Variants in DHX33 observed in about 807,000 individuals in gnomAD.
The protein encoded by DHX33 is DEAH-box helicase 33.
Under a neutral mutation model 72.5 loss-of-function variants are expected in DHX33, and 42 were observed. That is an observed-to-expected ratio of 0.58 (90% CI 0.45 to 0.75). DHX33 has a LOEUF of 0.75. DHX33 is among the 30% of genes least tolerant of loss of function. The pLI is 0.00. For synonymous variants in DHX33, 358 were observed against 366.1 expected, an observed-to-expected ratio of 0.98 and a Z score of 0.25; for missense variants, 842 against 917.5, an observed-to-expected ratio of 0.92 and a Z score of 1.06.
chr17:5,461,383 G>A, intron 3 of DHX33: 1 of 199,362 alleles, frequency 5.0e-6, no homozygotes, highest in Non-Finnish European at 1.0e-5. Flanking sequence ...ACTTTGGGAG[G>A]CCGAGGCAGG....
At chr17:5,460,503 GTT>G (rs934730522) in intron 4 of DHX33, among the ~76,000 whole-genome samples, 4 of 144,810 alleles carry the variant, frequency 2.8e-5, no homozygotes, top group Non-Finnish European at 6.1e-5. Flanking sequence ...CTTATTCATT[GTT>G]TTTTTTTTGT....
intron 3 of DHX33, 108 bp from the exon 4 acceptor site, chr17:5,461,217 A>G: frequency 8.5e-7 from 1 of 1,175,756 alleles, no homozygotes; most frequent in Non-Finnish European, 1.2e-6. Flanking sequence ...CACCCCCATC[A>G]CAGTTTACTT....
rs1439723960 is a variant in DHX33 at position 5,468,621 on chromosome 17, C to T, written c.239G>A (p.Arg80Gln). Residue 80 changes from arginine to glutamine, a missense_variant, in exon 1 of 12, where the codon CGG becomes CAG. Arg to Gln is a conservative substitution (Grantham distance 43). Coordinates refer to ENST00000225296, the MANE Select transcript of DHX33 (RefSeq NM_020162.4). ...TCGGAGCTGGGCCAACAGTTGCCCC[C>T]GCGCTTGGAAGATGGGCAGACTCCG... ...QRRSLPIFQA[R>Q]GQLLAQLRNL... 1.2e-5 allele frequency: 20 copies of T among 1,610,692 alleles called. No homozygotes were observed. Among genetic ancestry groups the T allele is most frequent in the Admixed American group, 8.4e-5 (5 of 59,742 alleles).
chr17:5,451,029 C>G, intron 8 of DHX33, 95 bp from the exon 9 acceptor site: 3 of 1,423,456 alleles, frequency 2.1e-6, no homozygotes, highest in Non-Finnish European at 2.9e-6. Flanking sequence ...AATTCTACAT[C>G]AAACAACAGC....
intron 4 of DHX33, among the ~76,000 whole-genome samples, chr17:5,457,438 C>T (rs1904374753): frequency 6.6e-6 from 1 of 152,000 alleles, no homozygotes; most frequent in Non-Finnish European, 1.5e-5. Context: ...GCCTGTCCAA[C>T]ACAGTGAAAT....
chr17:5,455,846 T>C lies in DHX33; in HGVS notation c.1035+151A>G, dbSNP rs573509296. On this transcript the variant is annotated intron_variant, in intron 5 of 11. Transcript: ENST00000225296. The stretch of plus-strand genomic sequence containing the variant: ...GAGCGCTGCGTGTGTCACCGCGCAT[T>C]TTATTCCTGCACCTCCTCAGTGCGC... 2.4e-4 allele frequency: 190 copies of C among 806,822 alleles called. 7 individuals carry two copies. The South Asian group carries it at 2.9e-3, about 12-fold the overall frequency. The allele number at this position is 806,822 out of a possible 1,614,324, so 50.0% of individuals were successfully genotyped here.
chr17:5,467,221 C>A (rs1285033886), intron 1 of DHX33, among the ~76,000 whole-genome samples: 2 of 152,316 alleles, frequency 1.3e-5, no homozygotes, highest in Admixed American at 6.5e-5. Flanking sequence ...AATGTTCTTA[C>A]CCTGCCTAAT....
chr17:5,452,723 A>G (rs972270673), intron 8 of DHX33, among the ~76,000 whole-genome samples: 2 of 150,014 alleles, frequency 1.3e-5, no homozygotes, highest in Admixed American at 6.6e-5. Flanking sequence ...TGTCTCAAAA[A>G]TAAATAAATA....
chr17:5,453,191 G>C (rs1240825474), intron 8 of DHX33, among the ~76,000 whole-genome samples: 1 of 152,196 alleles, frequency 6.6e-6, no homozygotes, highest in Non-Finnish European at 1.5e-5. Context: ...TGGTTCCAGA[G>C]GTCAAGGAAC....
chr17:5,444,318 G>A lies in DHX33; in HGVS notation c.2011C>T (p.Leu671=), dbSNP rs138411540. 83 of 1,613,956 alleles carry A rather than the reference G, an allele frequency of 5.1e-5. No homozygotes were observed. The African/African-American group carries it at 1.0e-3, about 20-fold the overall frequency. Residue 671 remains leucine, a synonymous_variant, in exon 12 of 12, where the codon CTG becomes TTG. Transcript: ENST00000225296. This position sits in a 1 kb window ranked among gnomAD's most constrained non-coding sequence, Gnocchi z 4.9. ...ATGTAGCACTTGTTGGTGTAGAGCA[G>A]CTCAGTGTACACGACGCAGGCCGGC... The part of the protein sequence containing the change: ...CKPACVVYTE[L]LYTNKCYMRD...
chr17:5,463,417 G>A, intron 2 of DHX33, 112 bp downstream of exon 2: 1 of 1,143,360 alleles, frequency 8.7e-7, no homozygotes, highest in Non-Finnish European at 1.2e-6. Context: ...GAATAGGCAA[G>A]AAAGCAGCTC....
chr17:5,457,402 G>A (rs1597361070), intron 4 of DHX33, among the ~76,000 whole-genome samples: 1 of 152,016 alleles, frequency 6.6e-6, no homozygotes, highest in South Asian at 2.1e-4. Context: ...GCAGGCAAAT[G>A]GGTTGAGGTC....
chr17:5,464,611 G>C (rs943711258), intron 1 of DHX33, among the ~76,000 whole-genome samples: 9 of 152,098 alleles, frequency 5.9e-5, no homozygotes, highest in African/African-American at 2.2e-4. Flanking sequence ...TAAAGATACA[G>C]CTTCAAAGAG....
rs531095647 is a variant in DHX33, at chr17:5,444,520, C to T, written c.1816-7G>A. 2.2e-4 allele frequency: 349 copies of T among 1,610,802 alleles called. 2 individuals are homozygous for T. In the South Asian group the frequency reaches 3.5e-3, roughly 16 times the overall value. On this transcript the variant is annotated splice_polypyrimidine_tract_variant and splice_region_variant and intron_variant, in intron 11 of 11. Transcript: ENST00000225296. The surrounding 1 kb of genome is among the most constrained non-coding windows in gnomAD (Gnocchi z 4.9). Reference sequence around the variant, plus strand: ...ATGCGATTGGCATTGACATCTGTTTCGGGAGAAAGCGAGGAATGGAGCCGA... The same window carrying T: ...ATGCGATTGGCATTGACATCTGTTTTGGGAGAAAGCGAGGAATGGAGCCGA...
chr17:5,463,152 TAC>T (rs962837654), intron 2 of DHX33, among the ~76,000 whole-genome samples: 8 of 151,714 alleles, frequency 5.3e-5, no homozygotes, highest in African/African-American at 1.7e-4. Flanking sequence ...GTGAAATGAG[TAC>T]ACACACACAC....
chr17:5,442,276 A>G lies in DHX33; in HGVS notation c.*1929T>C, dbSNP rs985412751. ...TTTTTTTTTTTTTTTTTTTTTTTTTACCAGCACTATGAATGATTAAAAATA... is the reference window on the plus strand; with the variant it reads ...TTTTTTTTTTTTTTTTTTTTTTTTTGCCAGCACTATGAATGATTAAAAATA... On this transcript the variant is annotated 3_prime_UTR_variant, in exon 12 of 12. Transcript: ENST00000225296. The G allele has an allele frequency of 7.0e-5, 6 of 85,618 alleles. No individual in the cohort carries two copies. Among genetic ancestry groups the G allele is most frequent in the Admixed American group, 4.8e-4 (4 of 8,268 alleles). 5.3% of individuals were successfully genotyped at this position (85,618 alleles called of 1,614,324 possible).
intron 11 of DHX33, 181 bp downstream of exon 11, chr17:5,448,628 A>G: frequency 2.7e-6 from 1 of 376,030 alleles, no homozygotes; most frequent in South Asian, 9.0e-5. Context: ...AAACTAGGCT[A>G]TTAGGAAATA....
At chr17:5,449,455 T>C (rs1223183027) in intron 10 of DHX33, among the ~76,000 whole-genome samples, 2 of 151,960 alleles carry the variant, frequency 1.3e-5, no homozygotes, top group South Asian at 2.1e-4. Flanking sequence ...TTTTTGGAGA[T>C]AGATAGAGTC....
At chr17:5,452,365 T>G (rs902225455) in intron 8 of DHX33, among the ~76,000 whole-genome samples, 3 of 151,794 alleles carry the variant, frequency 2.0e-5, no homozygotes, top group African/African-American at 7.3e-5. Flanking sequence ...ATAGTGAAAC[T>G]CCATCTATAC....
Sources: allele counts gnomAD v4.1 joint callset (sites outside exome capture counted in the v4.1 genomes callset), GRCh38; gene constraint gnomAD v4.1.1; non-coding constraint Gnocchi (gnomAD v3.1); transcripts MANE v1.5; gene names NCBI Gene and HGNC (gene_info 2026-07-23, HGNC 2026-07-21).